CTCF: variants seen among roughly 807,000 people sequenced by gnomAD.
CTCF encodes transcriptional repressor CTCF.
CTCF carries 7 observed loss-of-function variants against 72.3 expected under a neutral mutation model. That is an observed-to-expected ratio of 0.10 (90% CI 0.06 to 0.18). The LOEUF is 0.18. CTCF is among the 10% of genes least tolerant of loss of function. The probability of loss-of-function intolerance (pLI) is 1.00; values close to 1 mark genes in which losing one functional copy is unlikely to be tolerated. For synonymous variants in CTCF, 374 were observed against 315.8 expected, an observed-to-expected ratio of 1.18 and a Z score of -1.95; for missense variants, 516 against 949.1, an observed-to-expected ratio of 0.54 and a Z score of 6.00.
chr16:67,637,248 T>A (rs2052443011), intron 11 of CTCF, among the ~76,000 whole-genome samples: 1 of 152,138 alleles, frequency 6.6e-6, no homozygotes, highest in Admixed American at 6.6e-5. Context: ...TCTAAGAAAC[T>A]CAGGGTCAGG....
chr16:67,624,105 G>A (rs914471852), intron 7 of CTCF, among the ~76,000 whole-genome samples: 5,621 of 135,186 alleles, frequency 0.042, 125 homozygotes, highest in Non-Finnish European at 0.049. Flanking sequence ...GTGTGTGTGT[G>A]TGTGTGTGTG....
intron 2 of CTCF, among the ~76,000 whole-genome samples, chr16:67,604,674 A>G (rs2051945320): frequency 2.0e-5 from 3 of 150,462 alleles, no homozygotes; most frequent in Non-Finnish European, 2.9e-5. Context: ...CCTTGAAATG[A>G]TATTTTGGAC....
In CTCF at chr16:67,607,612, C is replaced by A. The variant is rs116677302; in HGVS notation, c.-9-3212C>A. On this transcript the variant is annotated intron_variant, in intron 2 of 11. Transcript: ENST00000264010. The stretch of plus-strand genomic sequence containing the variant: ...TGAGCTACCGTGCCCGGCCCATTCA[C>A]AAGATATAAGAGCCAAAAACTATGA... 3.7e-3 allele frequency among the ~76,000 whole-genome samples: 567 copies of A among 152,100 alleles called. 7 individuals are homozygous for A. Among genetic ancestry groups the A allele is most frequent in the African/African-American group, 0.013 (526 of 41,532 alleles).
intron 2 of CTCF, among the ~76,000 whole-genome samples, chr16:67,586,450 T>G (rs2051669806): frequency 6.6e-6 from 1 of 151,342 alleles, no homozygotes; most frequent in African/African-American, 2.4e-5. Context: ...GGCAGAGAAT[T>G]GCTTGAACCC....
intron 2 of CTCF, among the ~76,000 whole-genome samples, chr16:67,608,018 CAAAA>C (rs549111284): frequency 4.0e-4 from 42 of 105,820 alleles, no homozygotes; most frequent in Non-Finnish European, 6.3e-4. Flanking sequence ...GACTCCGACT[CAAAA>C]AAAAAAAAAA....
chr16:67,622,001 T>C (rs2052205976), intron 7 of CTCF, among the ~76,000 whole-genome samples: 1 of 152,150 alleles, frequency 6.6e-6, no homozygotes, highest in Admixed American at 6.6e-5. Context: ...ATTGGTTTAG[T>C]GGTAACTGTA....
At chr16:67,635,678 A>T (rs2052419794) in intron 10 of CTCF, 1 of 150,558 alleles carries the variant, frequency 6.6e-6, no homozygotes, top group Non-Finnish European at 1.5e-5. Flanking sequence ...TAGTAGAGTC[A>T]GGGTTTCTCC....
intron 7 of CTCF, among the ~76,000 whole-genome samples, chr16:67,624,629 G>T (rs916008618): frequency 1.3e-5 from 2 of 151,904 alleles, no homozygotes; most frequent in African/African-American, 2.4e-5. Context: ...GTCTTGCTCT[G>T]TTGCCCAGGC....
intron 8 of CTCF, 65 bp downstream of exon 8, chr16:67,626,780 C>T: frequency 2.5e-6 from 3 of 1,195,384 alleles, no homozygotes; most frequent in Non-Finnish European, 3.3e-6. Flanking sequence ...AGGGCATTTA[C>T]ATATCTAGTA....
chr16:67,567,103 A>C (rs1477623353), intron 1 of CTCF, among the ~76,000 whole-genome samples: 1 of 151,944 alleles, frequency 6.6e-6, no homozygotes, highest in African/African-American at 2.4e-5. Context: ...TGGCCTCCCA[A>C]AGTGCTGGGA....
intron 2 of CTCF, among the ~76,000 whole-genome samples, chr16:67,598,874 A>T (rs753824612): frequency 1.3e-5 from 2 of 152,256 alleles, no homozygotes; most frequent in Non-Finnish European, 2.9e-5. Context: ...TTTACCAATT[A>T]AAGGCCATTG....
intron 3 of CTCF, 143 bp downstream of exon 3, chr16:67,611,756 A>G: frequency 2.0e-6 from 2 of 1,014,010 alleles, no homozygotes; most frequent in Non-Finnish European, 2.9e-6. Context: ...AGTCTAAAAT[A>G]AGTTTTTTCC....
chr16:67,603,696 G>T (rs1420946515), intron 2 of CTCF, among the ~76,000 whole-genome samples: 1 of 151,662 alleles, frequency 6.6e-6, no homozygotes, highest in Non-Finnish European at 1.5e-5. Context: ...GTGGTGACAG[G>T]AGCCTGTAGT....
At position 67,618,078 on chromosome 16, in the gene CTCF, A is replaced by G. The variant is rs558515394; in HGVS notation, c.1086+1200A>G. ...ATCATTAATTACTGTTTAATGTCCT[A>G]GCAAGTTACGTATAGGAGAAAACTT... is the stretch of plus-strand genomic sequence containing the variant. On this transcript the variant is annotated intron_variant, in intron 5 of 11. Transcript: ENST00000264010. 2.6e-5 allele frequency among the ~76,000 whole-genome samples: 4 copies of G among 152,288 alleles called. No homozygotes were observed. The South Asian group carries it at 8.3e-4, about 32-fold the overall frequency.
chr16:67,601,379 C>T (rs545620374), intron 2 of CTCF, among the ~76,000 whole-genome samples: 125 of 150,942 alleles, frequency 8.3e-4, no homozygotes, highest in African/African-American at 2.9e-3. Context: ...CACTCTGTCA[C>T]CCAGCCTGGA....
intron 2 of CTCF, among the ~76,000 whole-genome samples, chr16:67,579,492 G>A (rs1253892671): frequency 1.3e-5 from 2 of 151,796 alleles, no homozygotes; most frequent in African/African-American, 4.8e-5. Flanking sequence ...CCGAGTAGCT[G>A]GGATTATGGG....
chr16:67,580,735 A>G (rs1053500552), intron 2 of CTCF, among the ~76,000 whole-genome samples: 1 of 130,660 alleles, frequency 7.7e-6, no homozygotes, highest in Non-Finnish European at 1.6e-5. Flanking sequence ...CTAATTTTGT[A>G]CTTTTAGTAG....
intron 2 of CTCF, among the ~76,000 whole-genome samples, chr16:67,586,302 C>T (rs1035978069): frequency 2.0e-5 from 3 of 151,918 alleles, no homozygotes; most frequent in Non-Finnish European, 2.9e-5. Flanking sequence ...TTTGGAAGGC[C>T]GAGGCGGGTG....
intron 2 of CTCF, among the ~76,000 whole-genome samples, chr16:67,601,741 C>T (rs1046575375): frequency 6.6e-6 from 1 of 151,970 alleles, no homozygotes; most frequent in Non-Finnish European, 1.5e-5. Flanking sequence ...AGACAGTACT[C>T]TGTCAGCTCA....
Sources: allele counts gnomAD v4.1 joint callset (sites outside exome capture counted in the v4.1 genomes callset), GRCh38; gene constraint gnomAD v4.1.1; transcripts MANE v1.5; gene names NCBI Gene and HGNC (gene_info 2026-07-23, HGNC 2026-07-21).